The following TJP1 variants were observed in gnomAD, a reference collection of about 807,000 sequenced individuals.
The protein encoded by TJP1 is tight junction protein 1, also known as tight junction protein ZO-1.
A neutral mutation model predicts 194.2 loss-of-function variants in TJP1; 43 were observed. The observed-to-expected ratio is 0.22, with a 90% confidence interval of 0.17 to 0.29. TJP1 has a LOEUF of 0.29. Among genes scored for constraint, TJP1 ranks in the 10% least tolerant of loss-of-function variants. The probability of loss-of-function intolerance (pLI) is 1.00; values close to 1 mark genes in which losing one functional copy is unlikely to be tolerated. For synonymous variants in TJP1, 801 were observed against 779.0 expected, an observed-to-expected ratio of 1.03 and a Z score of -0.47; for missense variants, 1,971 against 2,185.7, an observed-to-expected ratio of 0.90 and a Z score of 1.96.
At chr15:29,895,826 C>T (rs1429157128) in intron 2 of TJP1, among the ~76,000 whole-genome samples, 3 of 152,160 alleles carry the variant, frequency 2.0e-5, no homozygotes, top group South Asian at 2.1e-4. Flanking sequence ...TAACAAAATA[C>T]CATAGACAAA....
intron 25 of TJP1, among the ~76,000 whole-genome samples, chr15:29,706,718 C>T (rs998924471): frequency 3.3e-5 from 5 of 151,962 alleles, no homozygotes; most frequent in African/African-American, 9.7e-5. Flanking sequence ...TAGAGTACAG[C>T]GGTGCAATCT....
intron 2 of TJP1, among the ~76,000 whole-genome samples, chr15:29,921,913 C>T (rs985972059): frequency 1.3e-5 from 2 of 150,960 alleles, no homozygotes; most frequent in East Asian, 2.0e-4. Context: ...GGCGCGATCT[C>T]GGCTCATTGC....
chr15:29,855,085 A>C (rs1027010045), intron 2 of TJP1, among the ~76,000 whole-genome samples: 1 of 152,238 alleles, frequency 6.6e-6, no homozygotes, highest in African/African-American at 2.4e-5. Context: ...AATATAATGG[A>C]AAAAACACTC....
intron 2 of TJP1, among the ~76,000 whole-genome samples, chr15:29,931,901 C>T (rs1259095100): frequency 6.6e-6 from 1 of 152,184 alleles, no homozygotes; most frequent in African/African-American, 2.4e-5. Context: ...ATTATTCATG[C>T]CTACCCTTTT....
intron 25 of TJP1, 121 bp from the exon 26 acceptor site, chr15:29,705,866 A>G: frequency 1.3e-6 from 1 of 799,728 alleles, no homozygotes; most frequent in South Asian, 1.8e-5. Context: ...AGTTACTTTA[A>G]CAAGATAAGT....
intron 8 of TJP1, among the ~76,000 whole-genome samples, chr15:29,748,959 TGTGTGCGCGCGC>T (rs1566949721): frequency 7.9e-5 from 3 of 37,850 alleles, no homozygotes; most frequent in Non-Finnish European, 2.8e-4. Context: ...TGTGTGCGCG[TGTGTGCGCGCGC>T]GCGTTTGCTA....
At chr15:29,739,512 C>T (rs188136259) in intron 10 of TJP1, among the ~76,000 whole-genome samples, 67 of 152,166 alleles carry the variant, frequency 4.4e-4, no homozygotes, top group Admixed American at 7.2e-4. Context: ...GGCGCGATCT[C>T]GGCTCACTGC....
Position 29,720,606 on chromosome 15 carries a change from G to T in TJP1, c.2515C>A (p.His839Asn). Residue 839 changes from histidine to asparagine, a missense_variant, in exon 19 of 28, where the codon CAC becomes AAC. Physicochemically the swap from His to Asn is moderately conservative, Grantham distance 68 (BLOSUM62 1). Around this residue, in one of 5 missense-constraint regions of TJP1, gnomAD observed 402 missense variants for 484.2 expected, o/e 0.83. Transcript: ENST00000614355. ...EYSMYSTDSR[H>N]TSDYEDTDTE... ...TCTGTGTCTTCATAGTCAGAAGTGT[G>T]TCTACTGTCCGTGCTATACATTGAG... 6.2e-7 allele frequency: 1 copy of T among 1,614,126 alleles called. No individual in the cohort carries two copies. Among genetic ancestry groups the T allele is most frequent in the Non-Finnish European group, 8.5e-7 (1 of 1,180,030 alleles).
In TJP1 at chr15:29,905,192, A is replaced by C. The variant is rs2053766197; in HGVS notation, c.306+51040T>G. 2.6e-5 allele frequency among the ~76,000 whole-genome samples: 4 copies of C among 152,250 alleles called. No homozygotes were observed. In the South Asian group the frequency reaches 8.3e-4, roughly 31 times the overall value. ...TCCTCAGGCCTGTTGGCAAAAGCAT[A>C]GATTAGCACAACAGCCTTTGGGAAA... On this transcript the variant is annotated intron_variant, in intron 2 of 28. Coordinates refer to the TJP1 transcript ENST00000356107.
chr15:29,818,998 A>G (rs1367286942), intron 1 of TJP1, among the ~76,000 whole-genome samples: 1 of 151,866 alleles, frequency 6.6e-6, no homozygotes, highest in Non-Finnish European at 1.5e-5. Context: ...TTGTATTTTT[A>G]GTAGAGACGG....
At chr15:29,803,873 C>A (rs907669743) in intron 1 of TJP1, among the ~76,000 whole-genome samples, 1 of 152,002 alleles carries the variant, frequency 6.6e-6, no homozygotes, top group African/African-American at 2.4e-5. Flanking sequence ...CTCTGTTAAA[C>A]ATCAATTATA....
intron 2 of TJP1, among the ~76,000 whole-genome samples, chr15:29,940,039 C>T (rs2055015093): frequency 6.6e-6 from 1 of 152,188 alleles, no homozygotes; most frequent in Non-Finnish European, 1.5e-5. Flanking sequence ...CTATTAGTGA[C>T]TCTCATTGTG....
rs575051826 is a variant in TJP1, at chr15:29,764,664, C to A, written c.589+1602G>T. 1.5e-4 allele frequency among the ~76,000 whole-genome samples: 23 copies of A among 152,228 alleles called. No individual in the cohort carries two copies. The South Asian group carries it at 4.6e-3, about 30-fold the overall frequency. ...AAAAAGAGAAGGCAAGGGTAACTAC[C>A]ATGTCATCTGGGAATGGCCTGAGAA... On this transcript the variant is annotated intron_variant, in intron 5 of 27. Transcript: ENST00000614355.
intron 1 of TJP1, among the ~76,000 whole-genome samples, chr15:29,802,803 C>T (rs1190776440): frequency 6.6e-6 from 1 of 152,132 alleles, no homozygotes; most frequent in Non-Finnish European, 1.5e-5. Context: ...ATTTCATTAA[C>T]CAGTGACATT....
intron 2 of TJP1, among the ~76,000 whole-genome samples, chr15:29,954,876 T>A (rs1395084655): frequency 6.6e-6 from 1 of 152,058 alleles, no homozygotes; most frequent in African/African-American, 2.4e-5. Context: ...GTCAGTAGTT[T>A]GAGACCAGCC....
intron 15 of TJP1, chr15:29,730,624 G>C (rs966429057): frequency 2.6e-5 from 16 of 610,464 alleles, no homozygotes; most frequent in Non-Finnish European, 4.6e-5. Flanking sequence ...GCAGTGTGAA[G>C]AAGAGGCGAG....
chr15:29,731,218 T>C (rs1014739199), intron 15 of TJP1, among the ~76,000 whole-genome samples: 3 of 152,164 alleles, frequency 2.0e-5, no homozygotes, highest in African/African-American at 7.2e-5. Context: ...CCTTCCAGTT[T>C]TGAGAGACTT....
chr15:29,943,500 C>A (rs1157009960), intron 2 of TJP1, among the ~76,000 whole-genome samples: 1 of 151,114 alleles, frequency 6.6e-6, no homozygotes, highest in African/African-American at 2.4e-5. Flanking sequence ...TGGTGGCGTG[C>A]GCCTGTAATC....
At chr15:29,924,866 T>G (rs1381056892) in intron 2 of TJP1, among the ~76,000 whole-genome samples, 1 of 152,234 alleles carries the variant, frequency 6.6e-6, no homozygotes, top group East Asian at 1.9e-4. Context: ...TGGTAGGGGC[T>G]AGGCCCACGG....
Sources: allele counts gnomAD v4.1 joint callset (sites outside exome capture counted in the v4.1 genomes callset), GRCh38; gene constraint gnomAD v4.1.1; regional missense constraint gnomAD v4.1.1; transcripts MANE v1.5; gene names NCBI Gene and HGNC (gene_info 2026-07-23, HGNC 2026-07-21).